SNTA1: variants seen among roughly 807,000 people sequenced by gnomAD.
SNTA1 encodes alpha-1-syntrophin.
A neutral mutation model predicts 47.1 loss-of-function variants in SNTA1; 31 were observed. The observed-to-expected ratio is 0.66, with a 90% CI of 0.49 to 0.89. The LOEUF is 0.89. Among genes scored for constraint, SNTA1 ranks in the 40% least tolerant of loss-of-function variants. SNTA1 has a pLI of 0.00. For synonymous variants in SNTA1, 300 were observed against 313.6 expected (o/e 0.96, Z 0.46); for missense variants, 575 against 693.0 (o/e 0.83, Z 1.91).
intron 1 of SNTA1, among the ~76,000 whole-genome samples, chr20:33,439,530 A>T (rs1451428057): frequency 6.6e-6 from 1 of 152,200 alleles, no homozygotes; most frequent in African/African-American, 2.4e-5. Flanking sequence ...TTCAAAATTC[A>T]TAATGCTATA....
chr20:33,408,116 A>G lies in SNTA1; in HGVS notation c.*391T>C. On this transcript the variant is annotated 3_prime_UTR_variant, in exon 8 of 8. Coordinates refer to ENST00000217381, the MANE Select transcript of SNTA1 (RefSeq NM_003098.3). ...TCTTCTTTCTCTTGCTGCTGACCCCAGGGTACTCCAGCTTCAGATGGGACC... is the reference window on the plus strand; with the variant it reads ...TCTTCTTTCTCTTGCTGCTGACCCCGGGGTACTCCAGCTTCAGATGGGACC... The G allele has an allele frequency of 3.3e-6, 1 of 299,832 alleles. No individual in the cohort carries two copies. Among genetic ancestry groups the G allele is most frequent in the South Asian group, 3.6e-5 (1 of 27,864 alleles). 18.6% of individuals were successfully genotyped at this position (299,832 alleles called of 1,614,324 possible). A position where few individuals can be genotyped will look rare whatever the true frequency, so the allele number is the denominator to read the frequency against.
intron 2 of SNTA1, among the ~76,000 whole-genome samples, chr20:33,418,790 C>T (rs1989943015): frequency 1.7e-5 from 1 of 57,280 alleles, no homozygotes; most frequent in Admixed American, 2.4e-4. Context: ...AAGACTCTGT[C>T]TCAAAAAAAA....
intron 5 of SNTA1, among the ~76,000 whole-genome samples, chr20:33,410,927 G>A (rs1568747298): frequency 6.6e-6 from 1 of 152,082 alleles, no homozygotes; most frequent in African/African-American, 2.4e-5. Flanking sequence ...TGAATCACTT[G>A]ATTAGGCAGA....
chr20:33,419,716 T>G (rs769500737), intron 2 of SNTA1, among the ~76,000 whole-genome samples: 16 of 152,120 alleles, frequency 1.1e-4, no homozygotes, highest in Non-Finnish European at 1.8e-4. Flanking sequence ...GCTCAGCTTC[T>G]CCCCAGCTTA....
At chr20:33,425,269 C>T (rs1009813084) in intron 2 of SNTA1, among the ~76,000 whole-genome samples, 3 of 151,966 alleles carry the variant, frequency 2.0e-5, no homozygotes, top group African/African-American at 7.2e-5. Flanking sequence ...GACCCTGTAT[C>T]TATAAATAAG....
intron 2 of SNTA1, among the ~76,000 whole-genome samples, chr20:33,418,412 A>C (rs1415328280): frequency 6.6e-6 from 1 of 151,770 alleles, no homozygotes; most frequent in East Asian, 1.9e-4. Context: ...GCACTACCAC[A>C]CCCAGCTATT....
At chr20:33,421,761 G>A (rs1287592736) in intron 2 of SNTA1, among the ~76,000 whole-genome samples, 1 of 151,058 alleles carries the variant, frequency 6.6e-6, no homozygotes, top group Non-Finnish European at 1.5e-5. Context: ...TTCAAGACCA[G>A]GTTGGGCAAC....
At chr20:33,441,102 C>T (rs1816918945) in intron 1 of SNTA1, among the ~76,000 whole-genome samples, 1 of 152,202 alleles carries the variant, frequency 6.6e-6, no homozygotes, top group Admixed American at 6.5e-5. Flanking sequence ...TAAGAGTTCA[C>T]CTTAGTTGCA....
intron 2 of SNTA1, among the ~76,000 whole-genome samples, chr20:33,434,951 A>C (rs1265968218): frequency 1.7e-5 from 2 of 117,530 alleles, no homozygotes; most frequent in East Asian, 6.0e-4. Context: ...ACAGAGATTT[A>C]TTGCAGAGCA....
intron 1 of SNTA1, among the ~76,000 whole-genome samples, chr20:33,440,159 C>A (rs1426978596): frequency 1.3e-5 from 2 of 149,390 alleles, no homozygotes; most frequent in African/African-American, 2.5e-5. Context: ...AAAAAATAAA[C>A]AAATAAAAAA....
chr20:33,416,526 C>T (rs1435857192), intron 3 of SNTA1, among the ~76,000 whole-genome samples: 5 of 152,018 alleles, frequency 3.3e-5, no homozygotes, highest in Non-Finnish European at 5.9e-5. Context: ...GGAGGTGAGC[C>T]GGGAACGATG....
intron 1 of SNTA1, among the ~76,000 whole-genome samples, chr20:33,439,383 T>C (rs1269211581): frequency 6.6e-6 from 1 of 152,046 alleles, no homozygotes; most frequent in African/African-American, 2.4e-5. Flanking sequence ...TCTCAGCTAC[T>C]AGGGAAGCTG....
chr20:33,437,397 C>T (rs1320311045), intron 2 of SNTA1, among the ~76,000 whole-genome samples: 1 of 146,794 alleles, frequency 6.8e-6, no homozygotes, highest in Non-Finnish European at 1.5e-5. Flanking sequence ...TACTGTACTC[C>T]AGCCTGGGTG....
intron 2 of SNTA1, among the ~76,000 whole-genome samples, chr20:33,418,389 G>C (rs542139755): frequency 6.6e-6 from 1 of 151,836 alleles, no homozygotes; most frequent in Non-Finnish European, 1.5e-5. Context: ...CAAGTAGCTG[G>C]GTCTACAGGT....
chr20:33,424,529 A>G (rs531136589), intron 2 of SNTA1, among the ~76,000 whole-genome samples: 3 of 150,488 alleles, frequency 2.0e-5, no homozygotes, highest in Admixed American at 6.6e-5. Flanking sequence ...AAAAAAAAAA[A>G]TTTTGAGACA....
intron 2 of SNTA1, among the ~76,000 whole-genome samples, chr20:33,424,452 T>C (rs113890382): frequency 0.044 from 6,688 of 151,604 alleles, 219 homozygotes; most frequent in Middle Eastern, 0.088. Flanking sequence ...GGTGGGAGGA[T>C]TGCTTGAGCC....
intron 2 of SNTA1, among the ~76,000 whole-genome samples, chr20:33,438,151 T>G (rs1990487041): frequency 6.6e-6 from 1 of 152,054 alleles, no homozygotes; most frequent in Non-Finnish European, 1.5e-5. Flanking sequence ...AATATAAAAA[T>G]TAGCTGGGCA....
chr20:33,438,494 T>G (rs540550534), intron 2 of SNTA1, among the ~76,000 whole-genome samples: 226 of 152,266 alleles, frequency 1.5e-3, no homozygotes, highest in Non-Finnish European at 2.5e-3. Context: ...CACTCTGCCA[T>G]GTACATTTTT....
intron 1 of SNTA1, among the ~76,000 whole-genome samples, chr20:33,439,301 C>G (rs576926565): frequency 3.3e-5 from 5 of 152,100 alleles, no homozygotes; most frequent in African/African-American, 1.2e-4. Flanking sequence ...GTCAGGAGTT[C>G]AGGATCAGCC....
Sources: allele counts gnomAD v4.1 joint callset (sites outside exome capture counted in the v4.1 genomes callset), GRCh38; gene constraint gnomAD v4.1.1; transcripts MANE v1.5; gene names NCBI Gene and HGNC (gene_info 2026-07-23, HGNC 2026-07-21).